Variants in ZNF611 observed in about 807,000 individuals in gnomAD.
ZNF611 encodes the protein zinc finger protein 611.
In ZNF611, 6 loss-of-function variants were observed where a neutral mutation model predicts 8.9. The ratio of observed to expected loss-of-function variants is 0.68; its 90% CI spans 0.37 to 1.34. The LOEUF (loss-of-function observed/expected upper bound fraction) is 1.34, where lower values mean the gene tolerates loss of function less well. Ranked by LOEUF, ZNF611 falls within the 40% of genes most tolerant of loss-of-function variation. ZNF611 has a pLI of 0.02. For synonymous variants in ZNF611, 262 were observed against 279.7 expected (o/e 0.94, Z 0.63); for missense variants, 874 against 841.3 (o/e 1.04, Z -0.48).
Position 52,704,910 on chromosome 19 carries a change from G to A in ZNF611, c.*27C>T. The A allele has an allele frequency of 6.2e-7, 1 of 1,612,310 alleles. No homozygotes were observed. Among genetic ancestry groups the A allele is most frequent in the Non-Finnish European group, 8.5e-7 (1 of 1,179,146 alleles). The stretch of plus-strand genomic sequence containing the variant: ...TGTCTTTAAGGTGTGATTTCCAAAT[G>A]GAAACTTTGTCACATGCTTCACATT... On this transcript the variant is annotated 3_prime_UTR_variant, in exon 6 of 6. Transcript: ENST00000652185.
At chr19:52,709,363 C>T (rs2062265295) in intron 5 of ZNF611, among the ~76,000 whole-genome samples, 1 of 152,046 alleles carries the variant, frequency 6.6e-6, no homozygotes, top group African/African-American at 2.4e-5. Context: ...ACCTCTGCCT[C>T]CCGGGTTCAA....
intron 3 of ZNF611, among the ~76,000 whole-genome samples, chr19:52,727,525 C>T (rs981524674): frequency 6.6e-6 from 1 of 152,122 alleles, no homozygotes; most frequent in African/African-American, 2.4e-5. Flanking sequence ...TAGCTTCATC[C>T]CGAGGCAGGG....
At chr19:52,727,069 T>C (rs1431382796) in intron 3 of ZNF611, among the ~76,000 whole-genome samples, 1 of 152,068 alleles carries the variant, frequency 6.6e-6, no homozygotes, top group East Asian at 1.9e-4. Flanking sequence ...TTTCACCATG[T>C]TGGCCAGGCT....
chr19:52,728,016 T>C (rs1255013430), intron 3 of ZNF611, among the ~76,000 whole-genome samples: 1 of 151,190 alleles, frequency 6.6e-6, no homozygotes, highest in East Asian at 2.0e-4. Context: ...TTCAAGCAAT[T>C]CTGCCTCAGC....
chr19:52,709,139 T>G (rs1446536619), intron 5 of ZNF611, among the ~76,000 whole-genome samples: 1 of 152,232 alleles, frequency 6.6e-6, no homozygotes. Flanking sequence ...AGATTTCTTA[T>G]TCCCCAATAG....
Position 52,713,897 on chromosome 19 carries a change from C to CA in ZNF611, c.190+117dup, listed in dbSNP as rs113708555. The CA allele has an allele frequency of 1.5e-3, 2,386 of 1,549,562 alleles. 27 individuals carry two copies. In the African/African-American group the frequency reaches 0.029, roughly 19 times the overall value. ...TAGGAGCGAAACACCATCTCAAAAA[C>CA]AAAAAACAAAAAACAAAACCCATGT... On this transcript the variant is annotated intron_variant, in intron 5 of 5. Coordinates refer to ENST00000652185, the MANE Select transcript of ZNF611 (RefSeq NM_001161499.2).
chr19:52,713,617 C>A (rs1347467505), intron 5 of ZNF611, among the ~76,000 whole-genome samples: 1 of 152,020 alleles, frequency 6.6e-6, no homozygotes, highest in Non-Finnish European at 1.5e-5. Context: ...ATGAGCTGGG[C>A]ATGGTGGCTC....
At chr19:52,731,067 T>C (rs2062423038) in intron 1 of ZNF611, among the ~76,000 whole-genome samples, 1 of 151,902 alleles carries the variant, frequency 6.6e-6, no homozygotes, top group African/African-American at 2.4e-5. Flanking sequence ...GGCTATTTTT[T>C]TTTGGGGGTG....
At chr19:52,722,892 G>A (rs1468203183) in intron 3 of ZNF611, among the ~76,000 whole-genome samples, 2 of 144,178 alleles carry the variant, frequency 1.4e-5, no homozygotes, top group Admixed American at 7.2e-5. Flanking sequence ...TATCATGCCT[G>A]GTTTTTGTTT....
intron 5 of ZNF611, among the ~76,000 whole-genome samples, chr19:52,709,031 C>G (rs1174316011): frequency 2.0e-5 from 3 of 152,032 alleles, no homozygotes; most frequent in African/African-American, 7.2e-5. Context: ...TAACTGAGAT[C>G]AGAGAAAACA....
chr19:52,729,746 G>A (rs1345662006), intron 2 of ZNF611, 160 bp downstream of exon 2: 2 of 151,998 alleles, frequency 1.3e-5, no homozygotes, highest in African/African-American at 4.8e-5. Context: ...ATTTATATAG[G>A]CTGCAGAATT....
chr19:52,720,147 T>C (rs993523381), intron 3 of ZNF611, among the ~76,000 whole-genome samples: 1 of 152,224 alleles, frequency 6.6e-6, no homozygotes, highest in African/African-American at 2.4e-5. Context: ...CAGAACAAAA[T>C]AGAGTCTCCT....
intron 5 of ZNF611, among the ~76,000 whole-genome samples, chr19:52,713,050 G>T (rs1238665638): frequency 2.0e-5 from 3 of 152,110 alleles, no homozygotes; most frequent in Non-Finnish European, 2.9e-5. Context: ...CCAAAAATTA[G>T]TCGGGTGTGG....
intron 1 of ZNF611, among the ~76,000 whole-genome samples, chr19:52,733,637 C>T (rs1031219391): frequency 2.0e-5 from 3 of 152,050 alleles, no homozygotes; most frequent in Admixed American, 6.6e-5. Flanking sequence ...TGCTTCCCTC[C>T]CTAATTCTGT....
At chr19:52,725,753 C>T (rs2147443683) in intron 3 of ZNF611, among the ~76,000 whole-genome samples, 1 of 152,296 alleles carries the variant, frequency 6.6e-6, no homozygotes, top group Admixed American at 6.5e-5. Flanking sequence ...TCCACGTGAT[C>T]CACTTCCGGG....
chr19:52,733,890 C>T (rs577210235), intron 1 of ZNF611, among the ~76,000 whole-genome samples: 68 of 152,100 alleles, frequency 4.5e-4, no homozygotes, highest in African/African-American at 1.4e-3. Context: ...CCCATCTCTG[C>T]GCCTCCTCTG....
At position 52,732,620 on chromosome 19, in the gene ZNF611, C is replaced by G. The variant is rs572517006; in HGVS notation, c.-222+2381G>C. 4.6e-5 allele frequency among the ~76,000 whole-genome samples: 7 copies of G among 150,906 alleles called. 1 individual carries two copies. Among genetic ancestry groups the G allele is most frequent in the Admixed American group, 6.6e-5 (1 of 15,162 alleles). ...CACAGTATTGAGTTATTGAGTTATT[C>G]AGAATAACTCAATGTATTGAGGGCT... On this transcript the variant is annotated intron_variant, in intron 1 of 5. Coordinates refer to ENST00000652185, the MANE Select transcript of ZNF611 (RefSeq NM_001161499.2).
intron 3 of ZNF611, among the ~76,000 whole-genome samples, chr19:52,723,000 G>C (rs58333113): frequency 0.026 from 3,753 of 146,668 alleles, 163 homozygotes; most frequent in African/African-American, 0.088. Flanking sequence ...CTCTGTCCCA[G>C]TCTCCTAAAG....
intron 1 of ZNF611, among the ~76,000 whole-genome samples, chr19:52,734,030 G>C (rs1213058174): frequency 6.6e-6 from 1 of 151,866 alleles, no homozygotes; most frequent in Non-Finnish European, 1.5e-5. Flanking sequence ...ACTCTGCTCT[G>C]TCTGCCCTGG....
Sources: allele counts gnomAD v4.1 joint callset (sites outside exome capture counted in the v4.1 genomes callset), GRCh38; gene constraint gnomAD v4.1.1; transcripts MANE v1.5; gene names NCBI Gene and HGNC (gene_info 2026-07-23, HGNC 2026-07-21).